Variants in RTN4 observed in about 807,000 individuals in gnomAD.
The protein encoded by RTN4 is reticulon-4.
In RTN4, 32 loss-of-function variants were observed where a neutral mutation model predicts 90.4. The observed-to-expected ratio is 0.35, with a 90% confidence interval of 0.27 to 0.48. The LOEUF (loss-of-function observed/expected upper bound fraction) is 0.48. Among genes scored for constraint, RTN4 ranks in the 20% least tolerant of loss-of-function variants. The pLI, the probability that RTN4 is intolerant of heterozygous loss-of-function variation, is 0.99. For missense variants in RTN4, 1,706 were observed against 1,430.2 expected (o/e 1.19, Z -3.11); for synonymous variants, 629 against 552.5 (o/e 1.14, Z -1.94).
chr2:55,099,105 G>C (rs1667805365), intron 1 of RTN4, among the ~76,000 whole-genome samples: 1 of 152,076 alleles, frequency 6.6e-6, no homozygotes, highest in African/African-American at 2.4e-5. Context: ...TTACTCCTTT[G>C]TTGTTTAGTG....
chr2:54,973,489 C>T (rs1039476003), intron 8 of RTN4, 74 bp downstream of exon 8: 2 of 1,154,636 alleles, frequency 1.7e-6, no homozygotes, highest in Admixed American at 3.5e-5. Flanking sequence ...ATTATGCCTG[C>T]AATATGAAAA....
chr2:55,093,719 G>A (rs1267260316), intron 1 of RTN4, among the ~76,000 whole-genome samples: 1 of 152,128 alleles, frequency 6.6e-6, no homozygotes, highest in African/African-American at 2.4e-5. Flanking sequence ...AGGAAAAAGG[G>A]TAAATGTCTC....
intron 2 of RTN4, among the ~76,000 whole-genome samples, chr2:55,065,753 AT>A (rs1031957338): frequency 0.011 from 376 of 33,116 alleles, 1 homozygote; most frequent in Middle Eastern, 0.04. Context: ...TGGCTAGATA[AT>A]AAAAAAAAAA....
intron 4 of RTN4, among the ~76,000 whole-genome samples, chr2:54,987,122 C>T (rs779312668): frequency 4.6e-5 from 7 of 151,826 alleles, no homozygotes; most frequent in Admixed American, 1.3e-4. Context: ...TAGAAAGATA[C>T]GAAATATCAG....
At chr2:55,048,652 C>T (rs1460667703) in intron 1 of RTN4, among the ~76,000 whole-genome samples, 2 of 152,102 alleles carry the variant, frequency 1.3e-5, no homozygotes, top group African/African-American at 4.8e-5. Flanking sequence ...CTGTCCTTGA[C>T]CTAAACGTCG....
intron 3 of RTN4, among the ~76,000 whole-genome samples, chr2:55,005,436 G>A (rs1362349500): frequency 1.3e-5 from 2 of 152,168 alleles, no homozygotes; most frequent in African/African-American, 4.8e-5. Context: ...CTATCTTAGA[G>A]TAAAAACTGT....
intron 1 of RTN4, among the ~76,000 whole-genome samples, chr2:55,110,439 G>A (rs1412627650): frequency 4.6e-5 from 7 of 151,968 alleles, no homozygotes; most frequent in African/African-American, 1.5e-4. Flanking sequence ...TCCTTAGAAT[G>A]GTAGATATTT....
the RTN4 span, among the ~76,000 whole-genome samples, chr2:55,132,035 T>C: frequency 6.6e-6 from 1 of 152,182 alleles, no homozygotes; most frequent in African/African-American, 2.4e-5. Flanking sequence ...CAAGTATTTA[T>C]GGGGGGAATG....
In RTN4 at chr2:55,019,780, T is replaced by C. The variant is rs147482282; in HGVS notation, c.3013+5306A>G. Among the ~76,000 whole-genome samples the C allele has an allele frequency of 5.7e-3, 875 of 152,284 alleles. 7 individuals are homozygous for C. The highest frequency in any genetic ancestry group is 0.02 in the African/African-American group (830 of 41,552). ...CCAAATTAGAAAAGAGGAAGTCACATTGTCCCTGTTTGCAGATGACATGAT... is the reference window on the plus strand; with the variant it reads ...CCAAATTAGAAAAGAGGAAGTCACACTGTCCCTGTTTGCAGATGACATGAT... On this transcript the variant is annotated intron_variant, in intron 3 of 8. Transcript: ENST00000337526.
rs181179923 is a variant in RTN4 at position 54,980,737 on chromosome 2, T to G, written c.3360+1778A>C. 1.0e-3 allele frequency among the ~76,000 whole-genome samples: 157 copies of G among 152,360 alleles called. 3 individuals are homozygous for G. The highest frequency in any genetic ancestry group is 8.8e-5 in the Non-Finnish European group (6 of 68,034). Reference sequence around the variant, plus strand: ...AATTCAGAGATGGTCCTTTGCTGTTTGAAGCTCTGAATTACTACTTACAGA... The same window carrying G: ...AATTCAGAGATGGTCCTTTGCTGTTGGAAGCTCTGAATTACTACTTACAGA... On this transcript the variant is annotated intron_variant, in intron 5 of 8. Transcript: ENST00000337526.
At chr2:55,132,829 ATTG>A in the RTN4 span, among the ~76,000 whole-genome samples, 1 of 144,932 alleles carries the variant, frequency 6.9e-6, no homozygotes, top group Non-Finnish European at 1.5e-5. Context: ...AAAAAAAAAA[ATTG>A]AAAATTAAAA....
At chr2:55,093,846 T>C (rs1255206686) in intron 1 of RTN4, among the ~76,000 whole-genome samples, 4 of 152,212 alleles carry the variant, frequency 2.6e-5, no homozygotes, top group African/African-American at 9.7e-5. Flanking sequence ...CTTCTGTTAC[T>C]TGAATGGTTT....
At chr2:55,071,543 C>A (rs957762802) in intron 2 of RTN4, among the ~76,000 whole-genome samples, 426 of 99,446 alleles carry the variant, frequency 4.3e-3, no homozygotes, top group Middle Eastern at 6.8e-3. Context: ...CATTTGCCAT[C>A]AAAAAAAAAA....
At chr2:55,037,366 G>A (rs1265394614) in intron 1 of RTN4, among the ~76,000 whole-genome samples, 2 of 152,128 alleles carry the variant, frequency 1.3e-5, no homozygotes, top group Admixed American at 6.5e-5. Context: ...CATTTGTATT[G>A]TGAACAGCCT....
At position 55,025,149 on chromosome 2, in the gene RTN4, C is replaced by G. The variant is rs145032505; in HGVS notation, c.2950G>C (p.Asp984His). The change falls in exon 3 of 9, where the codon GAT (aspartate) becomes CAT (histidine). Residue 984 changes from aspartate to histidine, a missense_variant. Asp to His is a moderately conservative substitution (Grantham distance 81). Transcript: ENST00000337526. ...GGTGATCTGTCCTCTTTTTCTGTAT[C>G]GGAAGGAAGTTTTTTCTCAGCTTCT... ...VKEAEKKLPS[D>H]TEKEDRSPSA... 1.2e-6 allele frequency: 2 copies of G among 1,613,430 alleles called. No homozygotes were observed. Among genetic ancestry groups the G allele is most frequent in the Admixed American group, 3.3e-5 (2 of 59,888 alleles).
Position 55,027,409 on chromosome 2 carries a change from T to G in RTN4, c.690A>C (p.Glu230Asp), listed in dbSNP as rs1429815295. 6.2e-7 allele frequency: 1 copy of G among 1,613,638 alleles called. No homozygotes were observed. Among genetic ancestry groups the G allele is most frequent in the South Asian group, 1.1e-5 (1 of 91,070 alleles). ...ACAGAGAAGGAAGAGAAGCAGCAGT[T>G]TCAAGCAGGACAGATGGGAAATCCT... ...GQEDFPSVLL[E>D]TAASLPSLSP... The change falls in exon 3 of 9, where the codon GAA becomes GAC. Residue 230 changes from glutamate (E) to aspartate (D), a missense_variant. Transcript: ENST00000337526.
chr2:55,098,176 G>T (rs1667785741), intron 1 of RTN4, among the ~76,000 whole-genome samples: 1 of 152,094 alleles, frequency 6.6e-6, no homozygotes, highest in South Asian at 2.1e-4. Flanking sequence ...GTTAGAGGCA[G>T]AAGTATGTCC....
intron 3 of RTN4, among the ~76,000 whole-genome samples, chr2:55,008,820 C>A (rs1350705650): frequency 6.6e-6 from 1 of 152,074 alleles, no homozygotes; most frequent in Non-Finnish European, 1.5e-5. Context: ...ACTTTTAAGG[C>A]CTGTATTTAT....
chr2:55,085,737 C>T (rs1386421306), intron 1 of RTN4, among the ~76,000 whole-genome samples: 1 of 152,162 alleles, frequency 6.6e-6, no homozygotes, highest in African/African-American at 2.4e-5. Flanking sequence ...ATTTCACATC[C>T]TGAAACACAG....
Sources: gnomAD v4.1 joint callset for allele counts (sites outside exome capture counted in the v4.1 genomes callset) on GRCh38, gnomAD v4.1.1 for gene constraint, MANE v1.5 for transcripts, NCBI Gene and HGNC (gene_info 2026-07-23, HGNC 2026-07-21) for gene names.